BABAM2: variants seen among roughly 807,000 people sequenced by gnomAD.
BABAM2 encodes BRISC and BRCA1 A complex member 2.
A neutral mutation model predicts 54.7 loss-of-function variants in BABAM2; 31 were observed. The ratio of observed to expected loss-of-function variants is 0.57; its 90% CI spans 0.43 to 0.77. The LOEUF is 0.77. Among genes scored for constraint, BABAM2 ranks in the 30% least tolerant of loss-of-function variants. BABAM2 has a pLI of 0.00. For missense variants in BABAM2, 364 were observed against 455.8 expected (o/e 0.80, Z 1.83); for synonymous variants, 167 against 162.9 (o/e 1.03, Z -0.19).
intron 3 of BABAM2, among the ~76,000 whole-genome samples, chr2:27,981,923 G>A (rs1672029569): frequency 6.6e-6 from 1 of 152,088 alleles, no homozygotes; most frequent in African/African-American, 2.4e-5. Flanking sequence ...ACCTCTTGAG[G>A]AACTGCCAGA....
chr2:28,071,193 C>T (rs1169057429), intron 6 of BABAM2, among the ~76,000 whole-genome samples: 2 of 152,174 alleles, frequency 1.3e-5, no homozygotes, highest in Non-Finnish European at 2.9e-5. Flanking sequence ...CGAGCTGCCC[C>T]TCAACTATGG....
chr2:28,274,757 C>T (rs910559406), intron 10 of BABAM2, among the ~76,000 whole-genome samples: 1 of 152,198 alleles, frequency 6.6e-6, no homozygotes, highest in African/African-American at 2.4e-5. Context: ...GGTCAGAGCA[C>T]CTTGAAGTCT....
At chr2:28,092,892 G>A (rs948234723) in intron 6 of BABAM2, among the ~76,000 whole-genome samples, 1 of 151,918 alleles carries the variant, frequency 6.6e-6, no homozygotes, top group Admixed American at 6.6e-5. Context: ...CATCTTCTCA[G>A]CATCCGACAG....
At position 28,059,955 on chromosome 2, in the gene BABAM2, C is replaced by A. The variant is rs916117881; in HGVS notation, c.570+14156C>A. ...TTAAGGAAGAAATAGTATAGAAAAT[C>A]TTTGGGAAAATTGAAAAAGGGGAAA... On this transcript the variant is annotated intron_variant, in intron 6 of 11. Transcript: ENST00000379624. 2.0e-5 allele frequency among the ~76,000 whole-genome samples: 3 copies of A among 152,148 alleles called. No individual in the cohort carries two copies. The East Asian group carries it at 5.8e-4, about 29-fold the overall frequency.
intron 6 of BABAM2, among the ~76,000 whole-genome samples, chr2:28,127,771 G>C (rs999792726): frequency 2.0e-5 from 3 of 151,884 alleles, no homozygotes; most frequent in African/African-American, 7.3e-5. Flanking sequence ...TTGTATTTGA[G>C]GTTGAAGATA....
intron 11 of BABAM2, among the ~76,000 whole-genome samples, chr2:28,314,202 G>A (rs768242621): frequency 6.6e-6 from 1 of 152,116 alleles, no homozygotes; most frequent in Non-Finnish European, 1.5e-5. Context: ...AGCTCTAAGT[G>A]CTTTATGTTT....
chr2:28,063,984 C>G (rs1679111961), intron 6 of BABAM2, among the ~76,000 whole-genome samples: 1 of 152,184 alleles, frequency 6.6e-6, no homozygotes, highest in Non-Finnish European at 1.5e-5. Flanking sequence ...AGGTCTGTCT[C>G]ACTCAAAAGC....
At chr2:27,899,166 A>G (rs1665578693) in intron 2 of BABAM2, among the ~76,000 whole-genome samples, 1 of 152,182 alleles carries the variant, frequency 6.6e-6, no homozygotes, top group Non-Finnish European at 1.5e-5. Flanking sequence ...CTGAATATAT[A>G]GGACATAGAA....
chr2:28,028,979 C>T (rs1676101520), intron 5 of BABAM2, among the ~76,000 whole-genome samples: 1 of 152,136 alleles, frequency 6.6e-6, no homozygotes, highest in South Asian at 2.1e-4. Context: ...ATTGGTCAGG[C>T]TGGTCTTGAA....
chr2:28,127,268 C>G (rs549422084), intron 6 of BABAM2, among the ~76,000 whole-genome samples: 43 of 152,206 alleles, frequency 2.8e-4, no homozygotes, highest in Non-Finnish European at 5.3e-4. Context: ...CAAGAAAAGA[C>G]CATCAAGAAA....
intron 5 of BABAM2, among the ~76,000 whole-genome samples, chr2:28,036,552 A>C (rs1019894632): frequency 6.6e-6 from 1 of 152,158 alleles, no homozygotes; most frequent in Admixed American, 6.5e-5. Flanking sequence ...TAACATGTAA[A>C]TCTGGGAACT....
chr2:27,998,269 A>T (rs897601060), intron 4 of BABAM2, among the ~76,000 whole-genome samples: 1 of 152,006 alleles, frequency 6.6e-6, no homozygotes, highest in Non-Finnish European at 1.5e-5. Context: ...TCTTCTCTCC[A>T]TCACTCCCTT....
At chr2:28,336,948 T>G (rs1025500253) in intron 11 of BABAM2, among the ~76,000 whole-genome samples, 14 of 152,200 alleles carry the variant, frequency 9.2e-5, no homozygotes, top group African/African-American at 3.1e-4. Context: ...ACTCCAGATT[T>G]GCTGCTTCTG....
In BABAM2 at chr2:28,041,650, C is replaced by T. The variant is rs117986591; in HGVS notation, c.496-4075C>T. 4.6e-5 allele frequency among the ~76,000 whole-genome samples: 7 copies of T among 152,300 alleles called. No homozygotes were observed. The East Asian group carries it at 9.6e-4, about 21-fold the overall frequency. On this transcript the variant is annotated intron_variant, in intron 5 of 11. Coordinates refer to ENST00000379624, the MANE Select transcript of BABAM2 (RefSeq NM_199191.3). ...TTGCCATCCCCTGAACACAGGCACA[C>T]GCCTGCATCAACCCTTTTTATACTT...
At chr2:27,905,750 C>T (rs1306829030) in intron 2 of BABAM2, among the ~76,000 whole-genome samples, 2 of 152,174 alleles carry the variant, frequency 1.3e-5, no homozygotes, top group Non-Finnish European at 2.9e-5. Flanking sequence ...TAACAAAACT[C>T]AGAGAAATCA....
chr2:28,212,027 G>A (rs1449788574), intron 7 of BABAM2, among the ~76,000 whole-genome samples: 1 of 151,914 alleles, frequency 6.6e-6, no homozygotes, highest in African/African-American at 2.4e-5. Flanking sequence ...CCCTCTTGCT[G>A]TTTTTCTTCC....
intron 10 of BABAM2, among the ~76,000 whole-genome samples, chr2:28,268,773 T>C (rs1685191872): frequency 6.6e-6 from 1 of 152,216 alleles, no homozygotes; most frequent in African/African-American, 2.4e-5. Flanking sequence ...CTGGTCCTCC[T>C]GCAGTTTCCT....
intron 7 of BABAM2, among the ~76,000 whole-genome samples, chr2:28,172,909 C>A (rs1021585555): frequency 6.6e-6 from 1 of 152,140 alleles, no homozygotes; most frequent in African/African-American, 2.4e-5. Context: ...GTTCCAGAGG[C>A]TAAGAAATCC....
intron 4 of BABAM2, among the ~76,000 whole-genome samples, chr2:28,000,685 A>G (rs1489350694): frequency 1.3e-5 from 2 of 151,998 alleles, no homozygotes; most frequent in South Asian, 2.1e-4. Flanking sequence ...AGATTTGTCT[A>G]TTCTCTCCAT....
Sources: allele counts gnomAD v4.1 joint callset (sites outside exome capture counted in the v4.1 genomes callset), GRCh38; gene constraint gnomAD v4.1.1; transcripts MANE v1.5; gene names NCBI Gene and HGNC (gene_info 2026-07-23, HGNC 2026-07-21).